PPP4R2: variants seen among roughly 807,000 people sequenced by gnomAD.
The protein encoded by PPP4R2 is protein phosphatase 4 regulatory subunit 2.
In PPP4R2, 13 loss-of-function variants were observed where a neutral mutation model predicts 47.2. The ratio of observed to expected loss-of-function variants is 0.28; its 90% CI spans 0.18 to 0.44. The LOEUF is 0.44. Ranked by LOEUF, PPP4R2 falls within the 20% of genes least tolerant of loss-of-function variation. The pLI is 1.00. For synonymous variants in PPP4R2, 151 were observed against 163.3 expected, an observed-to-expected ratio of 0.92 and a Z score of 0.57; for missense variants, 421 against 491.2, an observed-to-expected ratio of 0.86 and a Z score of 1.35.
At chr3:73,049,949 A>G (rs567551610) in intron 3 of PPP4R2, among the ~76,000 whole-genome samples, 13 of 151,246 alleles carry the variant, frequency 8.6e-5, no homozygotes, top group African/African-American at 2.4e-4. Flanking sequence ...GTTTTGTTTT[A>G]TTTTATTTAT....
At chr3:73,026,952 G>A (rs1423173569) in intron 2 of PPP4R2, among the ~76,000 whole-genome samples, 1 of 152,130 alleles carries the variant, frequency 6.6e-6, no homozygotes, top group Non-Finnish European at 1.5e-5. Flanking sequence ...TATTTAACCT[G>A]TTTCGAAGTT....
upstream of PPP4R2, chr3:72,996,748 C>A: frequency 3.3e-6 from 1 of 306,524 alleles, no homozygotes; most frequent in Non-Finnish European, 6.0e-6. Context: ...CTCTCGGGTT[C>A]CGGGCCGGAG....
rs2107212698 is a variant in PPP4R2, at chr3:73,006,215, T to G, written c.116+8057T>G. On this transcript the variant is annotated intron_variant, in intron 2 of 8. Transcript: ENST00000356692. Reference sequence around the variant, plus strand: ...ATTTTTTTTTTTTTTTTTTTTTTTTTTTGAGATGGAGTGTCGCCCTGTTGC... The same window carrying G: ...ATTTTTTTTTTTTTTTTTTTTTTTTGTTGAGATGGAGTGTCGCCCTGTTGC... Among the ~76,000 whole-genome samples the G allele has an allele frequency of 2.8e-5, 3 of 105,880 alleles. No homozygotes were observed. The Middle Eastern group carries it at 0.014, about 499-fold the overall frequency. 69.5% of individuals were successfully genotyped at this position (105,880 alleles called of 152,430 possible).
chr3:73,002,629 C>CTTTTTTTTTTTTTTTTTTTTTT lies in PPP4R2; in HGVS notation c.116+4475_116+4476insTTTTTTTTTTTTTTTTTTTTTT, dbSNP rs1245599779. On this transcript the variant is annotated intron_variant, in intron 2 of 8. Coordinates refer to ENST00000356692, the MANE Select transcript of PPP4R2 (RefSeq NM_174907.4). ...TTTTTCTTTTCTTTTCTTTTCTTTT[C>CTTTTTTTTTTTTTTTTTTTTTT]TTTTCTTTTTTTTTTTTTTTTTTTT... 7.0e-4 allele frequency among the ~76,000 whole-genome samples: 58 copies of CTTTTTTTTTTTTTTTTTTTTTT among 82,996 alleles called. 7 individuals carry two copies. The highest frequency in any genetic ancestry group is 1.1e-3 in the Non-Finnish European group (46 of 41,622). 54.4% of individuals were successfully genotyped at this position (82,996 alleles called of 152,430 possible). A position where few individuals can be genotyped will look rare whatever the true frequency, so the allele number is the denominator to read the frequency against.
intron 5 of PPP4R2, chr3:73,063,110 T>C: frequency 1.8e-6 from 1 of 560,932 alleles, no homozygotes; most frequent in South Asian, 2.4e-5. Flanking sequence ...TCACCACGAA[T>C]GTTCCCAAAC....
intron 2 of PPP4R2, among the ~76,000 whole-genome samples, chr3:73,041,503 T>C (rs983074057): frequency 6.6e-6 from 1 of 152,258 alleles, no homozygotes; most frequent in African/African-American, 2.4e-5. Flanking sequence ...GATTGAAATA[T>C]CTGCCTTTTA....
chr3:73,064,800 A>G, intron 7 of PPP4R2, 52 bp from the exon 8 acceptor site: 1 of 1,453,984 alleles, frequency 6.9e-7, no homozygotes, highest in Non-Finnish European at 9.3e-7. Flanking sequence ...ATGGGGATGT[A>G]GAAGATGGGG....
At chr3:73,031,675 AG>A (rs1357821181) in intron 2 of PPP4R2, among the ~76,000 whole-genome samples, 1 of 152,236 alleles carries the variant, frequency 6.6e-6, no homozygotes, top group Non-Finnish European at 1.5e-5. Context: ...AAGTGCCTTT[AG>A]AAGTATTTCT....
chr3:73,063,803 G>T (rs371944437), intron 6 of PPP4R2, 56 bp downstream of exon 6: 10 of 1,277,244 alleles, frequency 7.8e-6, no homozygotes, highest in Non-Finnish European at 1.1e-5. Context: ...ATTTTGAGTA[G>T]CAGGCTTAGT....
At chr3:73,021,848 A>ATGTGTGTGTGTGTG (rs34010770) in intron 2 of PPP4R2, among the ~76,000 whole-genome samples, 14 of 131,002 alleles carry the variant, frequency 1.1e-4, no homozygotes, top group African/African-American at 3.5e-4. Context: ...ACATTTCTAT[A>ATGTGTGTGTGTGTG]TGTGTGTGTG....
intron 2 of PPP4R2, among the ~76,000 whole-genome samples, chr3:73,045,237 A>T (rs1423820645): frequency 6.6e-6 from 1 of 152,140 alleles, no homozygotes; most frequent in Non-Finnish European, 1.5e-5. Flanking sequence ...TCCTGGGCCC[A>T]AGTGATCTTC....
At chr3:73,002,221 C>T (rs1318499497) in intron 2 of PPP4R2, among the ~76,000 whole-genome samples, 1 of 152,098 alleles carries the variant, frequency 6.6e-6, no homozygotes, top group Admixed American at 6.6e-5. Flanking sequence ...ATTTTCTTTT[C>T]CATTGATGGG....
At chr3:73,053,636 G>A (rs529392463) in intron 3 of PPP4R2, among the ~76,000 whole-genome samples, 7 of 152,068 alleles carry the variant, frequency 4.6e-5, no homozygotes, top group East Asian at 1.9e-4. Flanking sequence ...TTAGCTGGGC[G>A]TGGTGGCTCA....
Position 73,061,013 on chromosome 3 carries a change from G to A in PPP4R2, c.382-10G>A. The A allele has an allele frequency of 6.5e-7, 1 of 1,546,994 alleles. No homozygotes were observed. On this transcript the variant is annotated splice_polypyrimidine_tract_variant and intron_variant, in intron 4 of 8. Transcript: ENST00000356692. ...TCTTCATACTAAATCACTGATTTTT[G>A]TTATTGCAGAATGTGATGGTTGTTA...
At chr3:73,036,666 T>C (rs1170385093) in intron 2 of PPP4R2, among the ~76,000 whole-genome samples, 4 of 152,222 alleles carry the variant, frequency 2.6e-5, no homozygotes, top group Non-Finnish European at 5.9e-5. Flanking sequence ...TTGTGATAGG[T>C]ACTTTGCTTT....
intron 5 of PPP4R2, chr3:73,062,698 T>TC: frequency 6.2e-7 from 1 of 1,614,004 alleles, no homozygotes; most frequent in Non-Finnish European, 8.5e-7. Context: ...ACCAGCAGTC[T>TC]CCAAGTTCAG....
chr3:73,009,784 G>A (rs992951232), intron 2 of PPP4R2, among the ~76,000 whole-genome samples: 7 of 152,078 alleles, frequency 4.6e-5, no homozygotes, highest in African/African-American at 1.7e-4. Context: ...ATAATTGAGA[G>A]TGTTTACTGT....
At chr3:73,009,185 A>G (rs1253542542) in intron 2 of PPP4R2, among the ~76,000 whole-genome samples, 1 of 152,146 alleles carries the variant, frequency 6.6e-6, no homozygotes, top group Admixed American at 6.5e-5. Flanking sequence ...GAAAGCTTAG[A>G]GGAATCTCTG....
intron 2 of PPP4R2, among the ~76,000 whole-genome samples, chr3:73,017,374 T>G (rs1458577795): frequency 1.3e-5 from 2 of 152,148 alleles, no homozygotes; most frequent in African/African-American, 4.8e-5. Flanking sequence ...GGAAGCTGTG[T>G]GTATTTTACA....
Sources: gnomAD v4.1 joint callset for allele counts (sites outside exome capture counted in the v4.1 genomes callset) on GRCh38, gnomAD v4.1.1 for gene constraint, MANE v1.5 for transcripts, NCBI Gene and HGNC (gene_info 2026-07-23, HGNC 2026-07-21) for gene names.